The following HS2ST1 variants were observed in gnomAD, a reference collection of about 807,000 sequenced individuals.
HS2ST1 encodes 2-O-sulfotransferase.
Under a neutral mutation model 42.9 loss-of-function variants are expected in HS2ST1, and 18 were observed. The ratio of observed to expected loss-of-function variants is 0.42; its 90% CI spans 0.29 to 0.62. HS2ST1 has a LOEUF of 0.62. Among genes scored for constraint, HS2ST1 ranks in the 20% least tolerant of loss-of-function variants. The pLI, the probability that HS2ST1 is intolerant of heterozygous loss-of-function variation, is 0.21. For missense variants in HS2ST1, 334 were observed against 433.8 expected (o/e 0.77, Z 2.04); for synonymous variants, 146 against 152.9 (o/e 0.95, Z 0.33).
At chr1:87,102,010 G>T (rs763566572) in intron 5 of HS2ST1, among the ~76,000 whole-genome samples, 39 of 152,268 alleles carry the variant, frequency 2.6e-4, no homozygotes, top group South Asian at 1.0e-3. Context: ...CATATGGCAA[G>T]AGTGGGAGAA....
intron 1 of HS2ST1, among the ~76,000 whole-genome samples, chr1:87,016,953 C>T (rs1649776670): frequency 6.6e-6 from 1 of 151,274 alleles, no homozygotes; most frequent in South Asian, 2.1e-4. Context: ...GATATGTTAT[C>T]TTTAGGGTGC....
At chr1:86,996,878 G>A (rs1429259972) in intron 1 of HS2ST1, among the ~76,000 whole-genome samples, 1 of 152,202 alleles carries the variant, frequency 6.6e-6, no homozygotes, top group Non-Finnish European at 1.5e-5. Flanking sequence ...GAAAATCCCA[G>A]TAACTGAAAT....
intron 2 of HS2ST1, among the ~76,000 whole-genome samples, chr1:87,077,086 A>G (rs547286743): frequency 6.6e-6 from 1 of 152,302 alleles, no homozygotes; most frequent in East Asian, 1.9e-4. Context: ...CCAGTTTTCA[A>G]TTTTTAAACA....
intron 1 of HS2ST1, among the ~76,000 whole-genome samples, chr1:86,952,203 G>A (rs779240236): frequency 3.3e-5 from 5 of 152,094 alleles, no homozygotes; most frequent in East Asian, 1.9e-4. Context: ...ATCACTGTCC[G>A]TGGCAGCTAT....
At chr1:87,032,091 A>G (rs1044412405) in intron 1 of HS2ST1, among the ~76,000 whole-genome samples, 1 of 152,218 alleles carries the variant, frequency 6.6e-6, no homozygotes, top group East Asian at 1.9e-4. Context: ...TAGGACTTCA[A>G]TAGTGGTAGC....
intron 1 of HS2ST1, among the ~76,000 whole-genome samples, chr1:86,938,618 T>C (rs577631023): frequency 2.0e-5 from 3 of 152,032 alleles, no homozygotes; most frequent in Admixed American, 1.3e-4. Context: ...TGGGATGGGG[T>C]GGATGAGTAA....
At chr1:87,000,646 A>G (rs1649255044) in intron 1 of HS2ST1, among the ~76,000 whole-genome samples, 1 of 152,214 alleles carries the variant, frequency 6.6e-6, no homozygotes, top group Non-Finnish European at 1.5e-5. Flanking sequence ...GGGGACATCT[A>G]GAGTTGTGCA....
At chr1:87,093,087 A>C (rs1651984737) in intron 4 of HS2ST1, among the ~76,000 whole-genome samples, 1 of 152,066 alleles carries the variant, frequency 6.6e-6, no homozygotes, top group Admixed American at 6.6e-5. Context: ...ATAATGGCTC[A>C]ACAAAGTTCT....
intron 1 of HS2ST1, among the ~76,000 whole-genome samples, chr1:87,033,855 A>T (rs1258437218): frequency 5.9e-5 from 9 of 152,096 alleles, no homozygotes; most frequent in Non-Finnish European, 2.9e-5. Flanking sequence ...TAAAGTGGTA[A>T]ATTTTTTAGT....
chr1:86,986,706 A>T (rs1485538141), intron 1 of HS2ST1, among the ~76,000 whole-genome samples: 1 of 152,118 alleles, frequency 6.6e-6, no homozygotes, highest in Non-Finnish European at 1.5e-5. Flanking sequence ...TGAACAAAGG[A>T]ATTAGGGCAA....
intron 1 of HS2ST1, among the ~76,000 whole-genome samples, chr1:86,922,721 A>T (rs991577059): frequency 6.6e-6 from 1 of 152,064 alleles, no homozygotes; most frequent in African/African-American, 2.4e-5. Context: ...AACTATATGT[A>T]GCGTGTCTTT....
At position 87,019,896 on chromosome 1, in the gene HS2ST1, C is replaced by T. The variant is rs1391415430; in HGVS notation, c.125-53038C>T. Among the ~76,000 whole-genome samples the T allele has an allele frequency of 2.0e-5, 3 of 152,278 alleles. No individual in the cohort carries two copies. The East Asian group carries it at 5.8e-4, about 29-fold the overall frequency. On this transcript the variant is annotated intron_variant, in intron 1 of 6. Transcript: ENST00000370550. ...CTACAGAGTGTGTTTGTGCTGTCAA[C>T]AATAAAAACTTTTTCTGACTCCCAT...
At chr1:86,970,256 T>A (rs967836675) in intron 1 of HS2ST1, among the ~76,000 whole-genome samples, 10 of 152,118 alleles carry the variant, frequency 6.6e-5, no homozygotes, top group African/African-American at 2.4e-4. Context: ...TTAATGCAAA[T>A]AAACATGATT....
chr1:87,097,906 G>A lies in HS2ST1; in HGVS notation c.657G>A (p.Pro219=), dbSNP rs752107517. 3.3e-5 allele frequency: 53 copies of A among 1,613,902 alleles called. No homozygotes were observed. The highest frequency in any genetic ancestry group is 4.1e-5 in the Non-Finnish European group (48 of 1,179,930). The stretch of plus-strand genomic sequence containing the variant: ...CAGAGAAGCTCTGGCTTCAAATCCC[G>A]TTCTTCTGTGGCCATAGCTCCGAAT... ...CAPEKLWLQI[P]FFCGHSSECW... The change falls in exon 5 of 7, where the codon CCG becomes CCA. Residue 219 remains proline (P), a synonymous_variant. Transcript: ENST00000370550.
At chr1:87,048,268 A>G (rs75526135) in intron 1 of HS2ST1, among the ~76,000 whole-genome samples, 2,147 of 152,280 alleles carry the variant, frequency 0.014, 58 homozygotes, top group African/African-American at 0.049. Context: ...ACCTTGCTAA[A>G]CTCATTAATT....
chr1:87,027,500 A>G (rs72955505), intron 1 of HS2ST1, among the ~76,000 whole-genome samples: 3,571 of 152,304 alleles, frequency 0.023, 70 homozygotes, highest in African/African-American at 0.049. Context: ...AGGTGGTGGT[A>G]TAGTTTGAAA....
At chr1:87,045,021 T>G in intron 1 of HS2ST1, 1 of 1,467,954 alleles carries the variant, frequency 6.8e-7, no homozygotes, top group Admixed American at 1.7e-5. Flanking sequence ...TGATTTCCTC[T>G]TGCGGCTTCT....
At chr1:87,030,845 T>C (rs1474257644) in intron 1 of HS2ST1, among the ~76,000 whole-genome samples, 2 of 152,092 alleles carry the variant, frequency 1.3e-5, no homozygotes. Context: ...TATTATGGGG[T>C]ATTATGCAAA....
chr1:86,976,704 G>GTGTATATATATATATA (rs1553134337), intron 1 of HS2ST1, among the ~76,000 whole-genome samples: 34 of 79,708 alleles, frequency 4.3e-4, no homozygotes, highest in Admixed American at 1.1e-3. Context: ...TTATAAAATT[G>GTGTATATATATATATA]TATATATATA....
Sources: allele counts gnomAD v4.1 joint callset (sites outside exome capture counted in the v4.1 genomes callset), GRCh38; gene constraint gnomAD v4.1.1; transcripts MANE v1.5; gene names NCBI Gene and HGNC (gene_info 2026-07-23, HGNC 2026-07-21).